The following ANKHD1 variants were observed in gnomAD, a reference collection of about 807,000 sequenced individuals.
ANKHD1 encodes the protein ankyrin repeat and KH domain-containing protein 1.
A neutral mutation model predicts 230.5 loss-of-function variants in ANKHD1; 31 were observed. The observed-to-expected ratio is 0.13, with a 90% CI of 0.10 to 0.18. ANKHD1 has a LOEUF of 0.18. Ranked by LOEUF, ANKHD1 falls within the 10% of genes least tolerant of loss-of-function variation. The probability of loss-of-function intolerance (pLI) is 1.00; values close to 1 mark genes in which losing one functional copy is unlikely to be tolerated. For synonymous variants in ANKHD1, 1,074 were observed against 1,117.6 expected, an observed-to-expected ratio of 0.96 and a Z score of 0.78; for missense variants, 2,256 against 3,071.3, an observed-to-expected ratio of 0.73 and a Z score of 6.27.
intron 20 of ANKHD1, among the ~76,000 whole-genome samples, chr5:140,508,370 A>G (rs1752623337): frequency 2.6e-5 from 4 of 152,210 alleles, no homozygotes. Context: ...CAAAAATTTA[A>G]TTCACAAGTT....
intron 13 of ANKHD1, among the ~76,000 whole-genome samples, chr5:140,486,290 C>T (rs1353967225): frequency 6.6e-6 from 1 of 152,064 alleles, no homozygotes; most frequent in Non-Finnish European, 1.5e-5. Context: ...GTCTCAAACT[C>T]CTGAGCTCAG....
chr5:140,527,851 A>G lies in ANKHD1; in HGVS notation c.5088-22A>G. 2 of 1,605,542 alleles carry G rather than the reference A, an allele frequency of 1.2e-6. No individual in the cohort carries two copies. The highest frequency in any genetic ancestry group is 8.5e-7 in the Non-Finnish European group (1 of 1,176,088). On this transcript the variant is annotated intron_variant, in intron 27 of 33. Coordinates refer to ENST00000360839, the MANE Select transcript of ANKHD1 (RefSeq NM_017747.3). The surrounding 1 kb of genome is among the most constrained non-coding windows in gnomAD (Gnocchi z 4.5). Reference sequence around the variant, plus strand: ...AAGAGACATTTAATTTCATAAGCTCATGTGTATTCTTCATTTTATAGGTCA... The same window carrying G: ...AAGAGACATTTAATTTCATAAGCTCGTGTGTATTCTTCATTTTATAGGTCA...
At position 140,428,033 on chromosome 5, in the gene ANKHD1, C is replaced by T. The variant is rs1048574017; in HGVS notation, c.307-8071C>T. Among the ~76,000 whole-genome samples the T allele has an allele frequency of 2.5e-4, 37 of 150,762 alleles. 1 individual carries two copies. Among genetic ancestry groups the T allele is most frequent in the Admixed American group, 1.1e-3 (17 of 15,182 alleles). On this transcript the variant is annotated intron_variant, in intron 1 of 33. Coordinates refer to ENST00000360839, the MANE Select transcript of ANKHD1 (RefSeq NM_017747.3). Reference sequence around the variant, plus strand: ...GCAGAGGCACTCCCCACATCCCGGACGATGGGCAGCCGGGCAGAGACGCTC... The same window carrying T: ...GCAGAGGCACTCCCCACATCCCGGATGATGGGCAGCCGGGCAGAGACGCTC...
rs186881069 is a variant in ANKHD1 at position 140,452,384 on chromosome 5, G to A, written c.1242+3079G>A. Among the ~76,000 whole-genome samples the A allele has an allele frequency of 1.1e-4, 17 of 152,270 alleles. No individual in the cohort carries two copies. The South Asian group carries it at 2.1e-3, about 19-fold the overall frequency. On this transcript the variant is annotated intron_variant, in intron 7 of 33. Coordinates refer to ENST00000360839, the MANE Select transcript of ANKHD1 (RefSeq NM_017747.3). ...TTTGAAGAGAGTAGTTGTTCTCCAA[G>A]CACGGAGTTTGAGATCTGAGAATGG...
rs1219197945 is a variant in ANKHD1 at position 140,505,190 on chromosome 5, G to A, written c.3219G>A (p.Val1073=). 2 of 1,614,042 alleles carry A rather than the reference G, an allele frequency of 1.2e-6. No homozygotes were observed. Among genetic ancestry groups the A allele is most frequent in the South Asian group, 1.1e-5 (1 of 91,082 alleles). ...CAGGHEELVS[V]LIARDAKIEH... ...GTGGTCATGAAGAACTTGTATCTGT[G>A]CTCATTGCACGGGATGCCAAAATTG... The change falls in exon 17 of 34, where the codon GTG becomes GTA. Residue 1073 remains valine, a synonymous_variant. Coordinates refer to ENST00000360839, the MANE Select transcript of ANKHD1 (RefSeq NM_017747.3).
chr5:140,530,226 T>A (rs1222064917), intron 29 of ANKHD1, among the ~76,000 whole-genome samples: 1 of 152,110 alleles, frequency 6.6e-6, no homozygotes, highest in Non-Finnish European at 1.5e-5. Context: ...TATTTTATTT[T>A]TTTGAGACAG....
intron 6 of ANKHD1, among the ~76,000 whole-genome samples, chr5:140,446,288 A>G (rs1222714307): frequency 6.6e-6 from 1 of 152,182 alleles, no homozygotes; most frequent in Non-Finnish European, 1.5e-5. Flanking sequence ...ATGTTTATTT[A>G]AAAAATAGTA....
intron 24 of ANKHD1, among the ~76,000 whole-genome samples, chr5:140,523,587 G>T: frequency 6.9e-6 from 1 of 144,994 alleles, no homozygotes; most frequent in African/African-American, 2.6e-5. Flanking sequence ...TTTTGAGACA[G>T]TCTCACTCTG....
intron 7 of ANKHD1, among the ~76,000 whole-genome samples, chr5:140,455,334 A>G (rs1386767033): frequency 6.6e-6 from 1 of 152,214 alleles, no homozygotes; most frequent in Non-Finnish European, 1.5e-5. Flanking sequence ...AATCAATAGA[A>G]AAAGAGGGAA....
At chr5:140,451,217 A>G (rs571243243) in intron 7 of ANKHD1, among the ~76,000 whole-genome samples, 1 of 152,284 alleles carries the variant, frequency 6.6e-6, no homozygotes, top group Non-Finnish European at 1.5e-5. Flanking sequence ...AAGTAAAACA[A>G]TGTATTGAGA....
chr5:140,531,078 G>C (rs896219474), intron 29 of ANKHD1, among the ~76,000 whole-genome samples: 2 of 152,036 alleles, frequency 1.3e-5, no homozygotes, highest in African/African-American at 2.4e-5. Flanking sequence ...CTTTTCATTT[G>C]GGGAAAGTAA....
In ANKHD1 at chr5:140,528,506, C is replaced by G; in HGVS notation, c.5560C>G (p.Pro1854Ala). The G allele has an allele frequency of 6.2e-7, 1 of 1,614,058 alleles. No homozygotes were observed. ...PVSLPLAYPH[P>A]HFALLAAQTM... ...TTCTCTACCCTTAGCTTATCCTCAC[C>G]CTCATTTTGCCCTGCTGGCTGCTCA... The change falls in exon 29 of 34, where the codon CCT (proline) becomes GCT (alanine). Residue 1854 changes from proline (P) to alanine (A), a missense_variant. Physicochemically the swap from Pro to Ala is conservative, Grantham distance 27. This residue lies in a region of ANKHD1 where 778 missense variants were observed against 966.5 expected (regional missense o/e 0.80). Coordinates refer to ENST00000360839, the MANE Select transcript of ANKHD1 (RefSeq NM_017747.3).
At chr5:140,418,144 CTTTTTTTTT>C (rs147753786) in intron 1 of ANKHD1, among the ~76,000 whole-genome samples, 2 of 126,414 alleles carry the variant, frequency 1.6e-5, no homozygotes, top group African/African-American at 6.0e-5. Flanking sequence ...GTCCAGCCTT[CTTTTTTTTT>C]TTTTTTTTTT....
At chr5:140,443,782 G>T (rs923315692) in intron 5 of ANKHD1, among the ~76,000 whole-genome samples, 1 of 152,158 alleles carries the variant, frequency 6.6e-6, no homozygotes, top group East Asian at 1.9e-4. Context: ...AAATTCAGTG[G>T]TTTTTAAGGT....
chr5:140,529,328 G>A lies in ANKHD1; in HGVS notation c.6382G>A (p.Val2128Ile). Reference protein sequence around the residue: ...QDTSNLPQLAVPAPRVSHRMQ... With the variant: ...QDTSNLPQLAIPAPRVSHRMQ... ...CACCAGTAATTTACCTCAGTTAGCT[G>A]TACCAGCACCTCGAGTTTCTCATCG... Residue 2128 changes from valine to isoleucine, a missense_variant, in exon 29 of 34, where the codon GTA (valine) becomes ATA (isoleucine). By Grantham distance (29) the Val-to-Ile change is conservative. Transcript: ENST00000360839. The A allele has an allele frequency of 6.2e-7, 1 of 1,614,154 alleles. No individual in the cohort carries two copies. The highest frequency in any genetic ancestry group is 8.5e-7 in the Non-Finnish European group (1 of 1,180,036).
intron 6 of ANKHD1, among the ~76,000 whole-genome samples, chr5:140,447,420 T>C (rs58956616): frequency 0.057 from 8,638 of 152,004 alleles, 844 homozygotes; most frequent in African/African-American, 0.2. Flanking sequence ...GTTGCCCAGG[T>C]GGCTCTCAAC....
intron 7 of ANKHD1, among the ~76,000 whole-genome samples, chr5:140,456,975 A>G (rs1775242251): frequency 6.6e-6 from 1 of 152,240 alleles, no homozygotes. Flanking sequence ...AAGGGCGAAT[A>G]TCCAGAATCT....
intron 1 of ANKHD1, among the ~76,000 whole-genome samples, chr5:140,430,421 A>G (rs914100725): frequency 1.3e-5 from 2 of 152,216 alleles, no homozygotes; most frequent in African/African-American, 4.8e-5. Flanking sequence ...TCATCAGGCA[A>G]TAAGAACATT....
At chr5:140,488,638 G>A (rs897058676) in intron 14 of ANKHD1, among the ~76,000 whole-genome samples, 1 of 151,610 alleles carries the variant, frequency 6.6e-6, no homozygotes, top group African/African-American at 2.4e-5. Flanking sequence ...GGTGGCTCAC[G>A]CTTGTAATCC....
Sources: gnomAD v4.1 joint callset for allele counts (sites outside exome capture counted in the v4.1 genomes callset) on GRCh38, gnomAD v4.1.1 for gene constraint, gnomAD v4.1.1 regional missense constraint, Gnocchi (gnomAD v3.1) non-coding constraint, MANE v1.5 for transcripts, NCBI Gene and HGNC (gene_info 2026-07-23, HGNC 2026-07-21) for gene names.